Variants in RAP1GAP2 observed in about 807,000 individuals in gnomAD.
RAP1GAP2 encodes RAP1 GTPase activating protein 2.
Under a neutral mutation model 95.0 loss-of-function variants are expected in RAP1GAP2, and 27 were observed. That is an observed-to-expected ratio of 0.28 (90% CI 0.21 to 0.39). The LOEUF is 0.39. RAP1GAP2 is among the 10% of genes least tolerant of loss of function. RAP1GAP2 has a pLI of 1.00. For synonymous variants in RAP1GAP2, 373 were observed against 380.9 expected (o/e 0.98, Z 0.24); for missense variants, 771 against 970.0 (o/e 0.79, Z 2.72).
intron 4 of RAP1GAP2, among the ~76,000 whole-genome samples, chr17:2,960,176 A>G (rs1392174470): frequency 1.3e-5 from 2 of 151,590 alleles, no homozygotes; most frequent in Non-Finnish European, 2.9e-5. Context: ...GCAAAATAGC[A>G]CATGGAGGAG....
intron 1 of RAP1GAP2, among the ~76,000 whole-genome samples, chr17:2,781,482 A>C (rs767586215): frequency 6.6e-6 from 1 of 152,108 alleles, no homozygotes; most frequent in Admixed American, 6.5e-5. Flanking sequence ...GGGTGGTTAT[A>C]TGTGGTTCTT....
intron 1 of RAP1GAP2, among the ~76,000 whole-genome samples, chr17:2,779,661 G>C (rs115167624): frequency 0.012 from 1,793 of 152,242 alleles, 38 homozygotes; most frequent in African/African-American, 0.04. Context: ...GGCGAGGGGA[G>C]AGGACAGCTC....
chr17:2,919,635 G>T (rs950550150), intron 3 of RAP1GAP2, among the ~76,000 whole-genome samples: 1 of 152,172 alleles, frequency 6.6e-6, no homozygotes, highest in Admixed American at 6.6e-5. Flanking sequence ...GGTCTGGGGG[G>T]TCTGGGCTGA....
At chr17:3,010,271 C>T (rs903829098) in intron 17 of RAP1GAP2, among the ~76,000 whole-genome samples, 10 of 127,016 alleles carry the variant, frequency 7.9e-5, no homozygotes, top group Non-Finnish European at 1.2e-4. Context: ...ACCCGGGAGG[C>T]GGAGGTTGCA....
chr17:2,835,486 G>A (rs375593192), intron 2 of RAP1GAP2, among the ~76,000 whole-genome samples: 1 of 152,214 alleles, frequency 6.6e-6, no homozygotes, highest in African/African-American at 2.4e-5. Context: ...CTCCCACAGT[G>A]CTGGAATTAC....
intron 1 of RAP1GAP2, among the ~76,000 whole-genome samples, chr17:2,769,507 A>G (rs1403813843): frequency 6.2e-4 from 94 of 151,800 alleles, no homozygotes; most frequent in African/African-American, 2.2e-3. Context: ...GTGAGCCGAG[A>G]TCGCGCCACT....
chr17:3,016,933 G>A (rs1000128566), intron 17 of RAP1GAP2, among the ~76,000 whole-genome samples: 3 of 152,212 alleles, frequency 2.0e-5, no homozygotes, highest in Non-Finnish European at 4.4e-5. Flanking sequence ...CTGCTGAGTT[G>A]CATTCCTGCC....
chr17:2,761,148 T>C (rs1281908739), intron 1 of RAP1GAP2, among the ~76,000 whole-genome samples: 1 of 151,482 alleles, frequency 6.6e-6, no homozygotes, highest in African/African-American at 2.4e-5. Context: ...AGGGTTGAGG[T>C]TTCACCTTGT....
upstream of RAP1GAP2, among the ~76,000 whole-genome samples, chr17:2,792,190 C>G (rs890042106): frequency 1.3e-5 from 2 of 152,160 alleles, no homozygotes; most frequent in Admixed American, 6.5e-5. Context: ...CACAATCCTT[C>G]CCAGGGAGCC....
intron 18 of RAP1GAP2, 72 bp from the exon 19 acceptor site, chr17:3,020,405 A>T (rs2046918321): frequency 8.1e-6 from 10 of 1,227,400 alleles, no homozygotes; most frequent in Non-Finnish European, 1.2e-5. Flanking sequence ...TTTGTAGACC[A>T]GGGAGGAGGA....
chr17:3,032,697 G>A (rs1028003622), intron 24 of RAP1GAP2, among the ~76,000 whole-genome samples: 5 of 152,118 alleles, frequency 3.3e-5, no homozygotes, highest in Admixed American at 6.5e-5. Flanking sequence ...CCCTTCCACC[G>A]ATGGGGTCTG....
At chr17:2,890,501 C>T (rs1056861852) in intron 2 of RAP1GAP2, among the ~76,000 whole-genome samples, 1 of 152,082 alleles carries the variant, frequency 6.6e-6, no homozygotes, top group African/African-American at 2.4e-5. Context: ...TTTCAGTGCT[C>T]ACAGACTGCT....
rs1024839236 is a variant in RAP1GAP2 at position 2,902,569 on chromosome 17, A to G, written c.81-2715A>G. Among the ~76,000 whole-genome samples, 1 of 151,852 alleles carries G rather than the reference A, an allele frequency of 6.6e-6. No individual in the cohort carries two copies. Among genetic ancestry groups the G allele is most frequent in the African/African-American group, 2.4e-5 (1 of 41,314 alleles). On this transcript the variant is annotated intron_variant, in intron 2 of 24. Coordinates refer to ENST00000254695, the MANE Select transcript of RAP1GAP2 (RefSeq NM_015085.5). The surrounding 1 kb of genome is among the most constrained non-coding windows in gnomAD (Gnocchi z 4.1). ...AGTCATGCCTTCTGCCCACCCTGGC[A>G]CCCCCTCTGGAGTCCTGGACACAGC...
At chr17:2,776,787 T>C (rs2068510985), upstream of RAP1GAP2, among the ~76,000 whole-genome samples, 2 of 146,406 alleles carry the variant, frequency 1.4e-5, no homozygotes, top group Admixed American at 6.8e-5. Context: ...GGTGCGCGCG[T>C]GCGCGGCAGG....
chr17:3,013,192 C>T (rs1428308056), intron 17 of RAP1GAP2, among the ~76,000 whole-genome samples: 1 of 152,192 alleles, frequency 6.6e-6, no homozygotes, highest in Non-Finnish European at 1.5e-5. Context: ...CCCTGGCAGT[C>T]TTTGTGGCCC....
chr17:2,952,976 T>G (rs1312992713), intron 3 of RAP1GAP2, among the ~76,000 whole-genome samples: 2 of 151,770 alleles, frequency 1.3e-5, no homozygotes, highest in African/African-American at 4.8e-5. Context: ...AGCTAATTTT[T>G]GTTATTTTTA....
intron 1 of RAP1GAP2, among the ~76,000 whole-genome samples, chr17:2,785,643 C>T (rs1318187269): frequency 6.6e-6 from 1 of 152,106 alleles, no homozygotes; most frequent in Non-Finnish European, 1.5e-5. Context: ...CACGTGGACC[C>T]CTTTAAGTTG....
rs138133888 is a variant in RAP1GAP2, at chr17:2,855,920, A to T, written c.81-49364A>T. On this transcript the variant is annotated intron_variant, in intron 2 of 24. Coordinates refer to ENST00000254695, the MANE Select transcript of RAP1GAP2 (RefSeq NM_015085.5). The surrounding 1 kb of genome is among the most constrained non-coding windows in gnomAD (Gnocchi z 4.3). ...TGAGCCACCGTGCCCGGCTGAAGTG[A>T]ATCTATTTAATAGAAATAGTAGTAA... Among the ~76,000 whole-genome samples, 17 of 152,332 alleles carry T rather than the reference A, an allele frequency of 1.1e-4. No homozygotes were observed. In the East Asian group the frequency reaches 3.3e-3, roughly 29 times the overall value.
At chr17:2,844,932 G>C (rs373634551) in intron 2 of RAP1GAP2, among the ~76,000 whole-genome samples, 4 of 152,160 alleles carry the variant, frequency 2.6e-5, no homozygotes, top group Admixed American at 2.0e-4. Context: ...AAGTTTTCTA[G>C]TTAGTCAGGC....
Sources: allele counts gnomAD v4.1 joint callset (sites outside exome capture counted in the v4.1 genomes callset), GRCh38; gene constraint gnomAD v4.1.1; non-coding constraint Gnocchi (gnomAD v3.1); transcripts MANE v1.5; gene names NCBI Gene and HGNC (gene_info 2026-07-23, HGNC 2026-07-21).